The following PSD3 variants were observed in gnomAD, a reference collection of about 807,000 sequenced individuals.
PSD3 encodes PH and SEC7 domain-containing protein 3.
Under a neutral mutation model 105.5 loss-of-function variants are expected in PSD3, and 49 were observed. That is an observed-to-expected ratio of 0.46 (90% CI 0.37 to 0.59). PSD3 has a LOEUF of 0.59. Among genes scored for constraint, PSD3 ranks in the 20% least tolerant of loss-of-function variants. The pLI, the probability that PSD3 is intolerant of heterozygous loss-of-function variation, is 0.00. For missense variants in PSD3, 1,561 were observed against 1,263.8 expected, an observed-to-expected ratio of 1.24 and a Z score of -3.57; for synonymous variants, 557 against 457.8, an observed-to-expected ratio of 1.22 and a Z score of -2.77.
chr8:18,606,215 C>A (rs1804816197), intron 11 of PSD3, among the ~76,000 whole-genome samples: 1 of 152,200 alleles, frequency 6.6e-6, no homozygotes, highest in Non-Finnish European at 1.5e-5. Flanking sequence ...TCCATTCTAA[C>A]TTCTCACTTC....
At chr8:18,802,967 G>C (rs1370922630) in intron 6 of PSD3, among the ~76,000 whole-genome samples, 3 of 152,108 alleles carry the variant, frequency 2.0e-5, no homozygotes, top group Admixed American at 6.6e-5. Context: ...TTCCACTGAA[G>C]AGTTAATTCC....
intron 12 of PSD3, among the ~76,000 whole-genome samples, chr8:18,588,621 T>G (rs1803366287): frequency 6.6e-6 from 1 of 152,184 alleles, no homozygotes; most frequent in African/African-American, 2.4e-5. Flanking sequence ...TAAAAGCAAT[T>G]TCACCCAACT....
At chr8:19,000,961 T>C (rs1826348169) in intron 1 of PSD3, 1 of 151,902 alleles carries the variant, frequency 6.6e-6, no homozygotes, top group African/African-American at 2.4e-5. Flanking sequence ...TGGTCATAGA[T>C]TTGGGGATTC....
intron 1 of PSD3, among the ~76,000 whole-genome samples, chr8:18,943,528 C>T (rs1822685175): frequency 6.6e-6 from 1 of 152,028 alleles, no homozygotes; most frequent in Non-Finnish European, 1.5e-5. Context: ...AAGAACAATT[C>T]AATGCACCCC....
intron 1 of PSD3, among the ~76,000 whole-genome samples, chr8:19,008,831 C>T (rs906112903): frequency 1.2e-4 from 19 of 152,148 alleles, no homozygotes; most frequent in Non-Finnish European, 2.4e-4. Flanking sequence ...TTATGAATGC[C>T]CTCGGCTCAT....
intron 9 of PSD3, among the ~76,000 whole-genome samples, chr8:18,675,176 G>C (rs1329143584): frequency 1.3e-5 from 2 of 152,236 alleles, no homozygotes; most frequent in South Asian, 4.2e-4. Context: ...TATGCTGGGA[G>C]ACCTTAGAAG....
At chr8:18,773,368 C>T (rs1807729382) in intron 8 of PSD3, among the ~76,000 whole-genome samples, 1 of 152,158 alleles carries the variant, frequency 6.6e-6, no homozygotes, top group African/African-American at 2.4e-5. Flanking sequence ...GCCAGTTCCA[C>T]ACTATTTTGA....
At chr8:18,801,222 A>G in intron 7 of PSD3, 48 bp downstream of exon 7, 1 of 1,196,668 alleles carries the variant, frequency 8.4e-7, no homozygotes, top group Non-Finnish European at 1.2e-6. Context: ...TAATAAGGAA[A>G]ATAACCATTG....
At chr8:18,782,841 C>T (rs988462388) in intron 8 of PSD3, among the ~76,000 whole-genome samples, 1 of 152,170 alleles carries the variant, frequency 6.6e-6, no homozygotes, top group Non-Finnish European at 1.5e-5. Context: ...CCAAGTGGCA[C>T]GCAGCTGGGT....
At chr8:18,832,615 C>T (rs1328402616) in intron 4 of PSD3, among the ~76,000 whole-genome samples, 2 of 152,298 alleles carry the variant, frequency 1.3e-5, no homozygotes, top group South Asian at 2.1e-4. Context: ...TAATGGTCAA[C>T]ATATTAGTCC....
chr8:18,663,595 A>G (rs556813626), intron 9 of PSD3, among the ~76,000 whole-genome samples: 24 of 152,308 alleles, frequency 1.6e-4, no homozygotes, highest in South Asian at 1.0e-3. Context: ...CATTTCTCCT[A>G]AACTACTTTT....
intron 8 of PSD3, among the ~76,000 whole-genome samples, chr8:18,771,845 C>T (rs335231): frequency 0.71 from 107,856 of 152,104 alleles, 38,613 homozygotes; most frequent in Middle Eastern, 0.77. Context: ...AACTTTTTCA[C>T]CTCACTAATC....
chr8:18,944,621 A>G (rs1182094433), intron 1 of PSD3, among the ~76,000 whole-genome samples: 1 of 143,712 alleles, frequency 7.0e-6, no homozygotes, highest in Non-Finnish European at 1.5e-5. Context: ...TAAATAAATA[A>G]AGTTTAAGTC....
intron 2 of PSD3, among the ~76,000 whole-genome samples, chr8:18,905,767 G>T (rs1391777963): frequency 2.6e-5 from 4 of 151,920 alleles, no homozygotes; most frequent in African/African-American, 9.7e-5. Flanking sequence ...AAGTCAAAAG[G>T]TATTCATTAT....
chr8:18,807,780 G>C (rs934695286), intron 4 of PSD3, among the ~76,000 whole-genome samples: 3 of 152,196 alleles, frequency 2.0e-5, no homozygotes, highest in East Asian at 1.9e-4. Flanking sequence ...TTAAATGCAT[G>C]ATTTTTTCAT....
intron 15 of PSD3, among the ~76,000 whole-genome samples, chr8:18,549,436 G>C (rs562571924): frequency 6.6e-6 from 1 of 152,008 alleles, no homozygotes; most frequent in South Asian, 2.1e-4. Context: ...TTGAACTCCC[G>C]ACCTCAGGTG....
chr8:18,908,878 A>G (rs940667892), intron 2 of PSD3, among the ~76,000 whole-genome samples: 46 of 152,212 alleles, frequency 3.0e-4, no homozygotes, highest in African/African-American at 1.1e-3. Flanking sequence ...AACTATCTAA[A>G]TATGAGAATC....
At chr8:18,868,440 G>A (rs1817107594) in intron 3 of PSD3, among the ~76,000 whole-genome samples, 1 of 152,114 alleles carries the variant, frequency 6.6e-6, no homozygotes, top group African/African-American at 2.4e-5. Context: ...AATATATCAT[G>A]GAAACTTGAT....
chr8:18,800,295 T>C (rs1040167509), intron 7 of PSD3, among the ~76,000 whole-genome samples: 2 of 152,194 alleles, frequency 1.3e-5, no homozygotes, highest in Admixed American at 6.5e-5. Flanking sequence ...GTGACAGAGA[T>C]AGTGAATAAC....
Sources: allele counts gnomAD v4.1 joint callset (sites outside exome capture counted in the v4.1 genomes callset), GRCh38; gene constraint gnomAD v4.1.1; transcripts MANE v1.5; gene names NCBI Gene and HGNC (gene_info 2026-07-23, HGNC 2026-07-21).